EDA: variants seen among roughly 807,000 people sequenced by gnomAD.
EDA encodes ectodysplasin A.
Under a neutral mutation model 23.6 loss-of-function variants are expected in EDA, and 2 were observed. The observed-to-expected ratio is 0.08, with a 90% CI of 0.03 to 0.27. The LOEUF is 0.27. Among genes scored for constraint, EDA ranks in the 10% least tolerant of loss-of-function variants. The pLI is 1.00. For missense variants in EDA, 229 were observed against 324.2 expected, an observed-to-expected ratio of 0.71 and a Z score of 2.26; for synonymous variants, 131 against 132.0, an observed-to-expected ratio of 0.99 and a Z score of 0.05.
intron 1 of EDA, among the ~76,000 whole-genome samples, chrX:69,675,881 A>G (rs1934063338): frequency 9.0e-6 from 1 of 111,628 alleles, no homozygotes; most frequent in African/African-American, 3.3e-5. Flanking sequence ...AGTCCAGGGA[A>G]GCTAACTGAG....
chrX:70,031,462 G>A (rs779092366), intron 6 of EDA, among the ~76,000 whole-genome samples: 6 of 111,739 alleles, frequency 5.4e-5, no homozygotes, highest in African/African-American at 1.3e-4. Context: ...CCTAAAATGC[G>A]TGAACCCCCA....
At chrX:69,661,691 G>A (rs1933513503) in intron 1 of EDA, among the ~76,000 whole-genome samples, 1 of 111,039 alleles carries the variant, frequency 9.0e-6, no homozygotes, top group African/African-American at 3.3e-5. Flanking sequence ...GCTCTGTTCT[G>A]TTCCCTTGGT....
intron 3 of EDA, among the ~76,000 whole-genome samples, chrX:70,025,651 C>T (rs1305948846): frequency 4.5e-5 from 5 of 112,173 alleles, no homozygotes; most frequent in Admixed American, 3.8e-4. Flanking sequence ...TTCCACTACA[C>T]TAGCTGGAAT....
chrX:69,645,303 A>G (rs181142442), intron 1 of EDA, among the ~76,000 whole-genome samples: 4 of 108,777 alleles, frequency 3.7e-5, no homozygotes, highest in African/African-American at 1.3e-4. Flanking sequence ...TCAAGGATTC[A>G]ATTTCTTCCT....
chrX:69,735,089 T>C (rs1371275662), intron 1 of EDA, among the ~76,000 whole-genome samples: 3 of 111,726 alleles, frequency 2.7e-5, no homozygotes, highest in Non-Finnish European at 3.8e-5. Context: ...CATACCGGCA[T>C]TATTTACAAT....
intron 1 of EDA, among the ~76,000 whole-genome samples, chrX:69,765,703 T>C (rs1200003272): frequency 1.8e-5 from 2 of 111,990 alleles, no homozygotes; most frequent in African/African-American, 6.5e-5. Context: ...AATGATTATA[T>C]ATTATATAAT....
intron 1 of EDA, among the ~76,000 whole-genome samples, chrX:69,883,410 C>T (rs1453138108): frequency 8.9e-6 from 1 of 112,177 alleles, no homozygotes; most frequent in South Asian, 3.7e-4. Context: ...GCCACCATTA[C>T]CACCATTGAC....
intron 5 of EDA, among the ~76,000 whole-genome samples, chrX:70,030,035 A>G (rs970988816): frequency 2.7e-5 from 3 of 112,394 alleles, no homozygotes; most frequent in African/African-American, 9.7e-5. Context: ...ATCTGTCTCT[A>G]TTGGCAGGTT....
chrX:69,640,216 A>G (rs1932824852), intron 1 of EDA, among the ~76,000 whole-genome samples: 1 of 111,669 alleles, frequency 9.0e-6, no homozygotes, highest in South Asian at 3.7e-4. Flanking sequence ...GAGGGCTGAC[A>G]TTTTTGTACC....
intron 1 of EDA, among the ~76,000 whole-genome samples, chrX:69,735,380 G>A (rs566295925): frequency 2.7e-5 from 3 of 111,596 alleles, no homozygotes; most frequent in African/African-American, 9.8e-5. Flanking sequence ...CAGCATGGAT[G>A]GGCTTTGAAG....
intron 1 of EDA, among the ~76,000 whole-genome samples, chrX:69,623,377 C>T (rs1040848592): frequency 7.2e-5 from 8 of 111,705 alleles, no homozygotes; most frequent in South Asian, 3.7e-4. Flanking sequence ...TGTATCCTCA[C>T]GTGGTGGAAG....
At chrX:69,656,477 T>A (rs187747888) in intron 1 of EDA, among the ~76,000 whole-genome samples, 12 of 112,060 alleles carry the variant, frequency 1.1e-4, no homozygotes, top group African/African-American at 3.6e-4. Flanking sequence ...GATCTCACTT[T>A]ATGTATATAT....
chrX:69,933,322 G>A (rs2018626095), intron 1 of EDA, among the ~76,000 whole-genome samples: 1 of 111,223 alleles, frequency 9.0e-6, no homozygotes, highest in African/African-American at 3.3e-5. Flanking sequence ...GTTTTTTTCT[G>A]GATTTTCTAA....
In EDA at chrX:69,842,880, G is replaced by T. The variant is rs775364587; in HGVS notation, c.397-114147G>T. ...CGTGAAACATCCCTGCTCCACCTTT[G>T]CCTTCTGCTATGATTATAAATTTCC... On this transcript the variant is annotated intron_variant, in intron 1 of 7. Coordinates refer to ENST00000374552, the MANE Select transcript of EDA (RefSeq NM_001399.5). Among the ~76,000 whole-genome samples, 3 of 111,499 alleles carry T rather than the reference G, an allele frequency of 2.7e-5. No individual in the cohort carries two copies. In the East Asian group the frequency reaches 8.5e-4, roughly 32 times the overall value.
chrX:69,802,572 TA>T (rs754967917), intron 1 of EDA, among the ~76,000 whole-genome samples: 1 of 111,063 alleles, frequency 9.0e-6, no homozygotes, highest in Non-Finnish European at 1.9e-5. Context: ...GTAAACATTT[TA>T]AATGGTTTTT....
intron 2 of EDA, among the ~76,000 whole-genome samples, chrX:69,966,636 A>G (rs1409543580): frequency 1.8e-5 from 2 of 110,481 alleles, no homozygotes; most frequent in Non-Finnish European, 3.8e-5. Context: ...TATTTATTAT[A>G]TCACTGTTTT....
chrX:69,826,532 T>G (rs1202281717), intron 1 of EDA, among the ~76,000 whole-genome samples: 26 of 109,667 alleles, frequency 2.4e-4, no homozygotes, highest in Non-Finnish European at 2.5e-4. Flanking sequence ...CCCTGCCTTT[T>G]TTTGTTTTCC....
rs1323215930 is a variant in EDA, at chrX:69,903,751, TTTAAA to T, written c.397-53270_397-53266del. ...AATTTTTAAAAATTTTTTTTGAAAA[TTTAAA>T]TTAAAAAACTATATTATGGGTACAT... On this transcript the variant is annotated intron_variant, in intron 1 of 7. Transcript: ENST00000374552. Among the ~76,000 whole-genome samples the T allele has an allele frequency of 7.2e-5, 8 of 110,749 alleles. No homozygotes were observed. In the East Asian group the frequency reaches 2.2e-3, roughly 31 times the overall value.
chrX:70,034,847 G>A (rs1353428371), intron 7 of EDA, among the ~76,000 whole-genome samples: 2 of 111,752 alleles, frequency 1.8e-5, no homozygotes, highest in East Asian at 2.8e-4. Context: ...GGGGAGGGGT[G>A]GTGCAAGCTG....
Sources: gnomAD v4.1 joint callset for allele counts (sites outside exome capture counted in the v4.1 genomes callset) on GRCh38, gnomAD v4.1.1 for gene constraint, MANE v1.5 for transcripts, NCBI Gene and HGNC (gene_info 2026-07-23, HGNC 2026-07-21) for gene names.